RPAP2: variants seen among roughly 807,000 people sequenced by gnomAD.
RPAP2 encodes the protein putative RNA polymerase II subunit B1 CTD phosphatase RPAP2.
RPAP2 carries 52 observed loss-of-function variants against 73.1 expected under a neutral mutation model. The ratio of observed to expected loss-of-function variants is 0.71; its 90% CI spans 0.57 to 0.90. The LOEUF is 0.90. RPAP2 is among the 40% of genes least tolerant of loss of function. RPAP2 has a pLI of 0.00. For missense variants in RPAP2, 598 were observed against 701.8 expected, an observed-to-expected ratio of 0.85 and a Z score of 1.67; for synonymous variants, 225 against 242.1, an observed-to-expected ratio of 0.93 and a Z score of 0.65.
Position 92,398,244 on chromosome 1 carries a change from T to G in RPAP2, c.*11233T>G, listed in dbSNP as rs1013546096. ...ATGATGGAAACCCTATTTATCCTGA[T>G]GTGATTATTACACATTGCATGCCTG... On this transcript the variant is annotated 3_prime_UTR_variant, in exon 13 of 13. Transcript: ENST00000610020. 5 of 152,220 alleles carry G rather than the reference T, an allele frequency of 3.3e-5. No homozygotes were observed. Among genetic ancestry groups the G allele is most frequent in the African/African-American group, 1.2e-4 (5 of 41,452 alleles). The allele number at this position is 152,220 out of a possible 1,614,324, so 9.4% of individuals were successfully genotyped here.
chr1:92,356,728 C>G (rs1408877089), intron 11 of RPAP2, among the ~76,000 whole-genome samples: 1 of 151,692 alleles, frequency 6.6e-6, no homozygotes, highest in Non-Finnish European at 1.5e-5. Context: ...AGCCACCACA[C>G]CTGGCCCATT....
At chr1:92,320,974 C>T (rs1031698293) in intron 7 of RPAP2, among the ~76,000 whole-genome samples, 3 of 152,090 alleles carry the variant, frequency 2.0e-5, no homozygotes, top group African/African-American at 7.2e-5. Flanking sequence ...TTTTACAGTC[C>T]TATAGGATTT....
At chr1:92,379,591 T>C (rs1655532204) in intron 11 of RPAP2, among the ~76,000 whole-genome samples, 1 of 152,192 alleles carries the variant, frequency 6.6e-6, no homozygotes, top group Non-Finnish European at 1.5e-5. Context: ...TCTTACAGAA[T>C]TGGTATGAAG....
chr1:92,335,780 A>G (rs914436318), intron 9 of RPAP2, among the ~76,000 whole-genome samples: 27 of 152,166 alleles, frequency 1.8e-4, no homozygotes, highest in African/African-American at 6.5e-4. Context: ...CCAATCACCT[A>G]TTGATACACA....
chr1:92,352,892 AT>A (rs1158668801), intron 11 of RPAP2, among the ~76,000 whole-genome samples: 1 of 152,110 alleles, frequency 6.6e-6, no homozygotes, highest in Non-Finnish European at 1.5e-5. Flanking sequence ...CCATAAATCC[AT>A]TCTCTTATCT....
chr1:92,318,320 T>C (rs2101153963), intron 6 of RPAP2, among the ~76,000 whole-genome samples: 1 of 152,308 alleles, frequency 6.6e-6, no homozygotes, highest in Non-Finnish European at 1.5e-5. Context: ...AATATTATGT[T>C]ACTCACTTTA....
Position 92,301,533 on chromosome 1 carries a change from A to G in RPAP2, c.177A>G (p.Leu59=). The G allele has an allele frequency of 2.5e-6, 4 of 1,597,240 alleles. No homozygotes were observed. The highest frequency in any genetic ancestry group is 3.4e-6 in the Non-Finnish European group (4 of 1,173,772). Residue 59 remains leucine (L), a synonymous_variant, in exon 3 of 13, where the codon CTA becomes CTG. Transcript: ENST00000610020. ...AGATTGAATTTGAGAGAAAAGCTCTACATATTGTTGAACAGCTTTTAGAGG... is the reference window on the plus strand; with the variant it reads ...AGATTGAATTTGAGAGAAAAGCTCTGCATATTGTTGAACAGCTTTTAGAGG... ...RKKIEFERKA[L]HIVEQLLEEN... is the part of the protein sequence containing the mutation.
intron 11 of RPAP2, among the ~76,000 whole-genome samples, chr1:92,354,061 C>A (rs1350315024): frequency 6.6e-6 from 1 of 152,132 alleles, no homozygotes; most frequent in Non-Finnish European, 1.5e-5. Flanking sequence ...TGCACTCCAA[C>A]TTCACTATCC....
intron 6 of RPAP2, among the ~76,000 whole-genome samples, chr1:92,317,825 A>T (rs897279996): frequency 1.1e-4 from 17 of 152,154 alleles, no homozygotes; most frequent in African/African-American, 4.1e-4. Context: ...ATAGCAGGAG[A>T]TGTTGCATAA....
intron 11 of RPAP2, among the ~76,000 whole-genome samples, chr1:92,371,584 T>C (rs905475834): frequency 6.6e-6 from 1 of 151,816 alleles, no homozygotes; most frequent in Non-Finnish European, 1.5e-5. Flanking sequence ...ATTATATACA[T>C]ATAAACAGCG....
At chr1:92,317,462 T>C (rs1651987452) in intron 6 of RPAP2, among the ~76,000 whole-genome samples, 1 of 151,994 alleles carries the variant, frequency 6.6e-6, no homozygotes, top group Admixed American at 6.6e-5. Context: ...GAGCCGAGAT[T>C]GTGCCACTGC....
intron 6 of RPAP2, among the ~76,000 whole-genome samples, chr1:92,309,314 T>C (rs1393151153): frequency 1.3e-5 from 2 of 151,252 alleles, no homozygotes; most frequent in Non-Finnish European, 3.0e-5. Context: ...TGGTGACACA[T>C]GCCTGTAGTC....
At position 92,324,342 on chromosome 1, in the gene RPAP2, T is replaced by C. The variant is rs1652502277; in HGVS notation, c.1422T>C (p.Gly474=). Residue 474 remains glycine, a synonymous_variant, in exon 8 of 13, where the codon GGT becomes GGC. Coordinates refer to ENST00000610020, the MANE Select transcript of RPAP2 (RefSeq NM_024813.3). ...TTTACAGAGGACGGTATGTTTTGGG[T>C]GAAGAAACCACCAAATCACAAGACT... ...REFYRGRYVL[G]EETTKSQDSE... 4 of 1,613,728 alleles carry C rather than the reference T, an allele frequency of 2.5e-6. No individual in the cohort carries two copies. The highest frequency in any genetic ancestry group is 3.4e-6 in the Non-Finnish European group (4 of 1,179,876).
At chr1:92,381,952 A>G (rs1655658576) in intron 12 of RPAP2, among the ~76,000 whole-genome samples, 1 of 124,734 alleles carries the variant, frequency 8.0e-6, no homozygotes, top group African/African-American at 3.1e-5. Context: ...CCGGTGTGTG[A>G]TGTTCCCCTT....
At chr1:92,322,244 C>T (rs115710757) in intron 7 of RPAP2, among the ~76,000 whole-genome samples, 3,389 of 151,346 alleles carry the variant, frequency 0.022, 151 homozygotes, top group African/African-American at 0.077. Context: ...CCACACTCAG[C>T]CAAAGTTTTC....
chr1:92,339,743 C>T (rs180706375), intron 10 of RPAP2, among the ~76,000 whole-genome samples: 2 of 152,204 alleles, frequency 1.3e-5, no homozygotes, highest in African/African-American at 4.8e-5. Context: ...CAGCCGGGCA[C>T]AGTGGCTCAT....
chr1:92,318,765 A>T (rs1008608446), intron 6 of RPAP2, among the ~76,000 whole-genome samples: 23 of 151,958 alleles, frequency 1.5e-4, no homozygotes, highest in African/African-American at 5.3e-4. Context: ...TTTCATATTG[A>T]TTATTTTCCC....
At chr1:92,343,502 A>G (rs1046054662) in intron 10 of RPAP2, among the ~76,000 whole-genome samples, 6 of 152,218 alleles carry the variant, frequency 3.9e-5, no homozygotes, top group Non-Finnish European at 8.8e-5. Context: ...AATTTTGGAA[A>G]ATGATGGGGA....
At chr1:92,383,962 A>G (rs71650490) in intron 12 of RPAP2, among the ~76,000 whole-genome samples, 40,320 of 111,704 alleles carry the variant, frequency 0.36, 6,625 homozygotes, top group Admixed American at 0.46. Flanking sequence ...TTTTTATAAA[A>G]CAATCTTTTT....
Sources: allele counts gnomAD v4.1 joint callset (sites outside exome capture counted in the v4.1 genomes callset), GRCh38; gene constraint gnomAD v4.1.1; transcripts MANE v1.5; gene names NCBI Gene and HGNC (gene_info 2026-07-23, HGNC 2026-07-21).